Variants in ARHGEF10L observed in about 807,000 individuals in gnomAD.
ARHGEF10L encodes Rho guanine nucleotide exchange factor 10 like, also known as rho guanine nucleotide exchange factor 10-like protein.
ARHGEF10L carries 69 observed loss-of-function variants against 141.2 expected under a neutral mutation model. That is an observed-to-expected ratio of 0.49 (90% confidence interval 0.40 to 0.60). ARHGEF10L has a LOEUF of 0.60. Among genes scored for constraint, ARHGEF10L ranks in the 20% least tolerant of loss-of-function variants. ARHGEF10L has a pLI of 0.00. For missense variants in ARHGEF10L, 1,482 were observed against 1,734.3 expected (o/e 0.85, Z 2.58); for synonymous variants, 711 against 718.5 (o/e 0.99, Z 0.17).
chr1:17,650,409 G>C (rs2061846799), intron 22 of ARHGEF10L, among the ~76,000 whole-genome samples: 2 of 152,092 alleles, frequency 1.3e-5, no homozygotes, highest in African/African-American at 2.4e-5. Context: ...GTGAGACCCT[G>C]TCTCAAATAA....
intron 1 of ARHGEF10L, among the ~76,000 whole-genome samples, chr1:17,547,438 C>T (rs1442169425): frequency 2.6e-5 from 4 of 152,208 alleles, no homozygotes; most frequent in African/African-American, 9.7e-5. Flanking sequence ...TGTAAAAGTC[C>T]TGGTTCTAGT....
At chr1:17,608,935 C>T (rs946231731) in intron 7 of ARHGEF10L, among the ~76,000 whole-genome samples, 7 of 152,128 alleles carry the variant, frequency 4.6e-5, no homozygotes, top group African/African-American at 1.4e-4. Context: ...AGGCGTGCAC[C>T]ATCATGCCTG....
rs184384940 is a variant in ARHGEF10L, at chr1:17,601,680, A to G, written c.258-447A>G. 1.1e-4 allele frequency among the ~76,000 whole-genome samples: 16 copies of G among 152,244 alleles called. No individual in the cohort carries two copies. The East Asian group carries it at 2.5e-3, about 24-fold the overall frequency. ...AGGCTGGTCTTGAACTCCTGACCTC[A>G]AGTGATCCACATGCCTTGGCCTCCC... On this transcript the variant is annotated intron_variant, in intron 4 of 28. Coordinates refer to ENST00000361221, the MANE Select transcript of ARHGEF10L (RefSeq NM_018125.4).
At position 17,662,316 on chromosome 1, in the gene ARHGEF10L, T is replaced by C. The variant is rs150637845; in HGVS notation, c.2861-2131T>C. ...CCCTGACTGTGTGCCCAGATAAATA[T>C]TCTTGCATATTGTATTGACTCCCTG... On this transcript the variant is annotated intron_variant, in intron 25 of 28. Coordinates refer to ENST00000361221, the MANE Select transcript of ARHGEF10L (RefSeq NM_018125.4). Among the ~76,000 whole-genome samples the C allele has an allele frequency of 3.7e-3, 566 of 152,260 alleles. 4 individuals carry two copies. The highest frequency in any genetic ancestry group is 0.013 in the African/African-American group (532 of 41,552).
chr1:17,594,244 T>C (rs2079863618), intron 4 of ARHGEF10L, among the ~76,000 whole-genome samples: 1 of 152,074 alleles, frequency 6.6e-6, no homozygotes, highest in African/African-American at 2.4e-5. Context: ...CAGGCGCTGA[T>C]ACAATCTGCA....
At chr1:17,611,912 A>G (rs1419116577) in intron 7 of ARHGEF10L, among the ~76,000 whole-genome samples, 2 of 151,990 alleles carry the variant, frequency 1.3e-5, no homozygotes, top group African/African-American at 4.8e-5. Context: ...ACTGTTGCTC[A>G]TATGGTTCGT....
At chr1:17,555,147 A>T (rs2077259670) in intron 1 of ARHGEF10L, among the ~76,000 whole-genome samples, 1 of 152,164 alleles carries the variant, frequency 6.6e-6, no homozygotes, top group Non-Finnish European at 1.5e-5. Flanking sequence ...GTTTAAGCAG[A>T]TTCTGAAATT....
In ARHGEF10L at chr1:17,640,191, T is replaced by A. The variant is rs371111390; in HGVS notation, c.2172-11T>A. ...GTACTCACACATCCACTCTAACCCTTCTCACCACAGGTCCGGCCGCCCCAT... is the reference window on the plus strand; with the variant it reads ...GTACTCACACATCCACTCTAACCCTACTCACCACAGGTCCGGCCGCCCCAT... On this transcript the variant is annotated splice_polypyrimidine_tract_variant and intron_variant, in intron 20 of 28. Transcript: ENST00000361221. The A allele has an allele frequency of 2.2e-5, 36 of 1,607,416 alleles. No individual in the cohort carries two copies. The highest frequency in any genetic ancestry group is 1.6e-4 in the Middle Eastern group (1 of 6,070).
chr1:17,696,922 C>G lies in ARHGEF10L; in HGVS notation c.3382C>G (p.Pro1128Ala), dbSNP rs1202958855. 1.2e-6 allele frequency: 2 copies of G among 1,610,470 alleles called. No homozygotes were observed. Among genetic ancestry groups the G allele is most frequent in the Admixed American group, 3.3e-5 (2 of 59,788 alleles). Residue 1128 changes from proline (P) to alanine (A), a missense_variant, in exon 29 of 29, where the codon CCT (proline) becomes GCT (alanine). By Grantham distance (27) the Pro-to-Ala change is conservative. Transcript: ENST00000361221. ...FLAVATSILA[P>A]DILRSDQEEA... ...GGCTGTGGCTACCAGCATCCTGGCC[C>G]CTGACATCCTGCGGAGTGACCAGGA...
chr1:17,662,978 C>T (rs1197880083), intron 25 of ARHGEF10L, among the ~76,000 whole-genome samples: 1 of 152,236 alleles, frequency 6.6e-6, no homozygotes, highest in Non-Finnish European at 1.5e-5. Flanking sequence ...CTCTCCAGAG[C>T]ATGCCATGGC....
intron 18 of ARHGEF10L, 51 bp from the exon 19 acceptor site, chr1:17,637,837 C>T: frequency 6.7e-7 from 1 of 1,499,674 alleles, no homozygotes; most frequent in East Asian, 2.5e-5. Context: ...AGATGCTTGG[C>T]TTCTTGTTAG....
rs140103716 is a variant in ARHGEF10L at position 17,650,953 on chromosome 1, A to T, written c.2394+2278A>T. Among the ~76,000 whole-genome samples the T allele has an allele frequency of 5.2e-4, 79 of 152,334 alleles. No homozygotes were observed. The East Asian group carries it at 0.014, about 27-fold the overall frequency. On this transcript the variant is annotated intron_variant, in intron 22 of 28. Transcript: ENST00000361221. ...AGTGCGTAAATATAATCAAATCAGC[A>T]AATTTTTCCTTGTGGTTTGGCCGCT...
At chr1:17,655,692 G>T (rs1571302253) in intron 23 of ARHGEF10L, among the ~76,000 whole-genome samples, 187 bp from the exon 24 acceptor site, 1 of 152,248 alleles carries the variant, frequency 6.6e-6, no homozygotes, top group Non-Finnish European at 1.5e-5. Flanking sequence ...TTTCCTGTGG[G>T]CCCTGAAGCT....
At chr1:17,595,408 G>C (rs140791452) in intron 4 of ARHGEF10L, among the ~76,000 whole-genome samples, 1 of 152,102 alleles carries the variant, frequency 6.6e-6, no homozygotes, top group East Asian at 1.9e-4. Flanking sequence ...CATTGCCACA[G>C]AGCAGGAGGC....
chr1:17,564,954 G>A (rs1252772493), intron 1 of ARHGEF10L, among the ~76,000 whole-genome samples: 1 of 152,196 alleles, frequency 6.6e-6, no homozygotes. Context: ...GACAAGAAGA[G>A]CAAAGGCAGC....
chr1:17,632,489 G>A (rs1386125981), intron 16 of ARHGEF10L, 23 bp downstream of exon 16: 2 of 1,613,692 alleles, frequency 1.2e-6, no homozygotes, highest in South Asian at 2.2e-5. Flanking sequence ...GGGTTGGAGG[G>A]GGCAATCACC....
At chr1:17,592,562 C>T (rs2079643054) in intron 4 of ARHGEF10L, among the ~76,000 whole-genome samples, 1 of 152,144 alleles carries the variant, frequency 6.6e-6, no homozygotes, top group Non-Finnish European at 1.5e-5. Flanking sequence ...CCAGGCTCAG[C>T]AAAGCAGTAT....
chr1:17,560,581 T>C (rs2077505641), intron 1 of ARHGEF10L, among the ~76,000 whole-genome samples: 2 of 152,230 alleles, frequency 1.3e-5, no homozygotes, highest in African/African-American at 2.4e-5. Context: ...GATCTTTTTT[T>C]TGAGACGGAG....
chr1:17,681,217 A>G (rs2064106131), intron 26 of ARHGEF10L, among the ~76,000 whole-genome samples: 1 of 152,186 alleles, frequency 6.6e-6, no homozygotes, highest in South Asian at 2.1e-4. Context: ...ACATACACCC[A>G]CTTTTAAAAA....
Sources: allele counts gnomAD v4.1 joint callset (sites outside exome capture counted in the v4.1 genomes callset), GRCh38; gene constraint gnomAD v4.1.1; transcripts MANE v1.5; gene names NCBI Gene and HGNC (gene_info 2026-07-23, HGNC 2026-07-21).